PTK2: variants seen among roughly 807,000 people sequenced by gnomAD.
PTK2 encodes the protein protein tyrosine kinase 2.
A neutral mutation model predicts 150.1 loss-of-function variants in PTK2; 45 were observed. The observed-to-expected ratio is 0.30, with a 90% CI of 0.24 to 0.38. The LOEUF is 0.38. Ranked by LOEUF, PTK2 falls within the 10% of genes least tolerant of loss-of-function variation. The probability of loss-of-function intolerance (pLI) is 1.00; values close to 1 mark genes in which losing one functional copy is unlikely to be tolerated. For synonymous variants in PTK2, 432 were observed against 449.2 expected, an observed-to-expected ratio of 0.96 and a Z score of 0.48; for missense variants, 919 against 1,307.3, an observed-to-expected ratio of 0.70 and a Z score of 4.58.
intron 27 of PTK2, among the ~76,000 whole-genome samples, chr8:140,682,371 A>G (rs1160893765): frequency 6.6e-6 from 1 of 152,194 alleles, no homozygotes; most frequent in Non-Finnish European, 1.5e-5. Context: ...CCCTGTCTCA[A>G]AACAAAAACG....
chr8:140,883,534 G>C (rs2100150481), intron 3 of PTK2, among the ~76,000 whole-genome samples: 1 of 152,088 alleles, frequency 6.6e-6, no homozygotes. Context: ...CTATAGTATA[G>C]TGTTTCTTTT....
intron 7 of PTK2, among the ~76,000 whole-genome samples, 197 bp downstream of exon 7, chr8:140,846,063 T>C (rs2100125251): frequency 6.6e-6 from 1 of 152,208 alleles, no homozygotes; most frequent in Non-Finnish European, 1.5e-5. Context: ...CCATATACAA[T>C]GTTAGCTTTA....
intron 4 of PTK2, among the ~76,000 whole-genome samples, chr8:140,868,552 C>T (rs1466272588): frequency 1.3e-5 from 2 of 152,150 alleles, no homozygotes; most frequent in East Asian, 3.8e-4. Flanking sequence ...AGAAACCTGG[C>T]TTCCATTACC....
At chr8:140,744,952 G>C in intron 18 of PTK2, 185 bp from the exon 22 acceptor site, 1 of 395,726 alleles carries the variant, frequency 2.5e-6, no homozygotes, top group Non-Finnish European at 4.5e-6. Flanking sequence ...TCTGGATTCA[G>C]ATTATTTTTT....
intron 29 of PTK2, 72 bp from the exon 34 acceptor site, chr8:140,668,496 G>T: frequency 6.7e-7 from 1 of 1,503,422 alleles, no homozygotes; most frequent in South Asian, 1.3e-5. Context: ...TCAAGCTAGA[G>T]AGGGTCTTTA....
intron 8 of PTK2, among the ~76,000 whole-genome samples, chr8:140,829,269 G>A (rs898608643): frequency 6.7e-5 from 9 of 133,470 alleles, no homozygotes; most frequent in African/African-American, 2.8e-4. Flanking sequence ...AAGAAGCTAT[G>A]TGAGAGAGGA....
intron 30 of PTK2, among the ~76,000 whole-genome samples, chr8:140,666,145 T>C (rs1238532344): frequency 1.3e-5 from 2 of 152,106 alleles, no homozygotes; most frequent in Non-Finnish European, 2.9e-5. Context: ...TGAGACCAGC[T>C]TGGCCAACAG....
intron 20 of PTK2, 78 bp from the exon 24 acceptor site, chr8:140,739,185 T>C (rs2100054254): frequency 1.1e-6 from 1 of 928,106 alleles, no homozygotes; most frequent in South Asian, 2.4e-5. Flanking sequence ...AGATTTTCAG[T>C]ATCAAAGGAA....
chr8:140,894,940 T>C (rs1229495569), intron 2 of PTK2, among the ~76,000 whole-genome samples: 2 of 152,182 alleles, frequency 1.3e-5, no homozygotes, highest in African/African-American at 2.4e-5. Context: ...GGATAATACA[T>C]AATCTTTGCA....
intron 14 of PTK2, among the ~76,000 whole-genome samples, chr8:140,771,882 C>T (rs1007172703): frequency 2.6e-5 from 4 of 151,238 alleles, no homozygotes; most frequent in African/African-American, 7.3e-5. Context: ...CGGGTTCAAG[C>T]GATTCTCCTG....
At chr8:140,921,422 T>C (rs969415380) in intron 2 of PTK2, among the ~76,000 whole-genome samples, 1 of 152,256 alleles carries the variant, frequency 6.6e-6, no homozygotes, top group African/African-American at 2.4e-5. Flanking sequence ...AGATGGCTTC[T>C]CAAACCTTTT....
intron 7 of PTK2, among the ~76,000 whole-genome samples, chr8:140,834,167 G>A (rs1294864805): frequency 6.6e-6 from 1 of 152,166 alleles, no homozygotes; most frequent in Non-Finnish European, 1.5e-5. Flanking sequence ...AATGAATCTA[G>A]GACTTCAGCC....
chr8:140,888,231 G>T (rs543237201), intron 3 of PTK2, among the ~76,000 whole-genome samples: 2 of 152,046 alleles, frequency 1.3e-5, no homozygotes, highest in Non-Finnish European at 2.9e-5. Context: ...CTCTTATGTT[G>T]TTCAGTCCCT....
chr8:140,849,373 C>G (rs183477097), intron 5 of PTK2, among the ~76,000 whole-genome samples: 16 of 152,324 alleles, frequency 1.1e-4, no homozygotes, highest in Admixed American at 1.0e-3. Context: ...CGGCCACATC[C>G]TGAGGCTGGG....
At chr8:140,826,875 G>A (rs952563646) in intron 8 of PTK2, among the ~76,000 whole-genome samples, 2 of 151,966 alleles carry the variant, frequency 1.3e-5, no homozygotes, top group Admixed American at 6.6e-5. Flanking sequence ...CCAAGATCGC[G>A]CCAATGCACT....
chr8:140,990,917 T>C (rs2100195488), intron 1 of PTK2, among the ~76,000 whole-genome samples: 1 of 152,104 alleles, frequency 6.6e-6, no homozygotes, highest in Non-Finnish European at 1.5e-5. Flanking sequence ...GAGACTCTTT[T>C]TCACTCCTTA....
At chr8:140,999,941 T>C (rs1310850912) in intron 1 of PTK2, among the ~76,000 whole-genome samples, 1 of 151,670 alleles carries the variant, frequency 6.6e-6, no homozygotes, top group East Asian at 1.9e-4. Context: ...AATATTACTA[T>C]TATCTTAGTC....
At chr8:140,975,583 ATTAT>A (rs1211652944) in intron 1 of PTK2, among the ~76,000 whole-genome samples, 1 of 152,160 alleles carries the variant, frequency 6.6e-6, no homozygotes, top group Non-Finnish European at 1.5e-5. Context: ...TGATTTTTAC[ATTAT>A]TAAAGCGTTG....
chr8:140,686,353 G>A (rs1033401904), intron 27 of PTK2, among the ~76,000 whole-genome samples: 2 of 151,728 alleles, frequency 1.3e-5, no homozygotes, highest in Non-Finnish European at 2.9e-5. Flanking sequence ...CTTGCAACAT[G>A]CGATTTCCTT....
Sources: gnomAD v4.1 joint callset for allele counts (sites outside exome capture counted in the v4.1 genomes callset) on GRCh38, gnomAD v4.1.1 for gene constraint, MANE v1.5 for transcripts, NCBI Gene and HGNC (gene_info 2026-07-23, HGNC 2026-07-21) for gene names.